Variants in DIAPH3 observed in about 807,000 individuals in gnomAD.
The protein encoded by DIAPH3 is diaphanous related formin 3.
A neutral mutation model predicts 144.3 loss-of-function variants in DIAPH3; 117 were observed. That is an observed-to-expected ratio of 0.81 (90% CI 0.70 to 0.95). The LOEUF (loss-of-function observed/expected upper bound fraction) is 0.95, where lower values mean the gene tolerates loss of function less well. Ranked by LOEUF, DIAPH3 falls within the 40% of genes least tolerant of loss-of-function variation. DIAPH3 has a pLI of 0.00. For synonymous variants in DIAPH3, 519 were observed against 488.9 expected (o/e 1.06, Z -0.81); for missense variants, 1,421 against 1,412.7 (o/e 1.01, Z -0.09).
intron 4 of DIAPH3, among the ~76,000 whole-genome samples, chr13:60,076,508 A>C (rs552273697): frequency 3.9e-5 from 6 of 152,292 alleles, no homozygotes; most frequent in African/African-American, 1.4e-4. Flanking sequence ...TTGACATAAC[A>C]GGAAAGTCAT....
chr13:59,795,503 G>A (rs369262737), intron 25 of DIAPH3, among the ~76,000 whole-genome samples: 1 of 148,810 alleles, frequency 6.7e-6, no homozygotes, highest in African/African-American at 2.5e-5. Context: ...CGCCCAGGCT[G>A]GAGTGCAGTG....
chr13:60,018,433 A>T (rs962885721), intron 5 of DIAPH3, among the ~76,000 whole-genome samples: 1 of 152,140 alleles, frequency 6.6e-6, no homozygotes, highest in African/African-American at 2.4e-5. Flanking sequence ...TGATCTACAT[A>T]ATTAATAATA....
intron 3 of DIAPH3, among the ~76,000 whole-genome samples, chr13:60,104,566 G>GCACACA (rs10633554): frequency 0.29 from 42,289 of 146,874 alleles, 6,423 homozygotes; most frequent in Admixed American, 0.38. Context: ...CAGTATCAAG[G>GCACACA]CACACACACA....
At position 59,833,286 on chromosome 13, in the gene DIAPH3, A is replaced by C; in HGVS notation, c.2863-15T>G. 6.3e-7 allele frequency: 1 copy of C among 1,595,992 alleles called. No homozygotes were observed. The highest frequency in any genetic ancestry group is 8.6e-7 in the Non-Finnish European group (1 of 1,167,884). On this transcript the variant is annotated splice_polypyrimidine_tract_variant and intron_variant, in intron 23 of 27. Coordinates refer to ENST00000400324, the MANE Select transcript of DIAPH3 (RefSeq NM_001042517.2). ...ATAACAAATCTGTATACTATAGTTA[A>C]GGTATTCTGAAATTTACAAAGTAAT...
intron 17 of DIAPH3, among the ~76,000 whole-genome samples, chr13:59,947,145 G>A (rs1473682454): frequency 6.6e-6 from 1 of 152,072 alleles, no homozygotes; most frequent in Non-Finnish European, 1.5e-5. Flanking sequence ...TCCCACTTTC[G>A]AGCATGACAC....
intron 4 of DIAPH3, among the ~76,000 whole-genome samples, chr13:60,078,378 G>A (rs1029098583): frequency 6.6e-6 from 1 of 151,304 alleles, no homozygotes; most frequent in African/African-American, 2.4e-5. Context: ...AACTAGTACA[G>A]GCAAGGCAAG....
chr13:59,888,476 T>C (rs1007005936), intron 20 of DIAPH3, among the ~76,000 whole-genome samples: 1 of 152,142 alleles, frequency 6.6e-6, no homozygotes, highest in African/African-American at 2.4e-5. Context: ...CTGCTTTGTG[T>C]TAGTCAAGCA....
At chr13:60,003,892 C>T (rs772081184) in intron 9 of DIAPH3, among the ~76,000 whole-genome samples, 2 of 152,174 alleles carry the variant, frequency 1.3e-5, no homozygotes, top group Non-Finnish European at 2.9e-5. Flanking sequence ...TGATAATATT[C>T]TTCAAGGCCT....
intron 27 of DIAPH3, among the ~76,000 whole-genome samples, chr13:59,759,664 T>A (rs951381381): frequency 7.2e-5 from 11 of 151,988 alleles, no homozygotes; most frequent in African/African-American, 2.7e-4. Flanking sequence ...GAGACACCAG[T>A]GTTTAAAAAG....
chr13:59,839,246 C>T lies in DIAPH3; in HGVS notation c.2862+78G>A, dbSNP rs1201766435. ...CACTACAGAATGATCTCTGGTTACA[C>T]AAAGACATCTAAAATATTAAATAAA... On this transcript the variant is annotated intron_variant, in intron 23 of 27. Transcript: ENST00000400324. 4 of 1,569,478 alleles carry T rather than the reference C, an allele frequency of 2.5e-6. No individual in the cohort carries two copies. In the Admixed American group the frequency reaches 6.7e-5, roughly 26 times the overall value.
In DIAPH3 at chr13:59,861,416, C is replaced by T; in HGVS notation, c.2728G>A (p.Ala910Thr). ...FVDDLEPLDK[A>T]SKVSVETLEK... ...TTAAAAAGGCACAAACCTTTACTAG[C>T]TTTGTCTAAAGGTTCCAAATCATCC... Residue 910 changes from alanine (A) to threonine (T), a missense_variant, in exon 22 of 28, where the codon GCT becomes ACT. Ala to Thr is a moderately conservative substitution (Grantham distance 58). Transcript: ENST00000400324. The T allele has an allele frequency of 6.2e-7, 1 of 1,613,740 alleles. No homozygotes were observed. The highest frequency in any genetic ancestry group is 8.5e-7 in the Non-Finnish European group (1 of 1,179,868).
intron 4 of DIAPH3, among the ~76,000 whole-genome samples, chr13:60,069,861 C>T (rs1379719421): frequency 1.3e-5 from 2 of 152,118 alleles, no homozygotes; most frequent in East Asian, 1.9e-4. Context: ...AAATACCATG[C>T]TGTTTTGGTT....
intron 1 of DIAPH3, among the ~76,000 whole-genome samples, chr13:60,150,368 G>A (rs1951727661): frequency 6.6e-6 from 1 of 152,052 alleles, no homozygotes; most frequent in South Asian, 2.1e-4. Context: ...AAAAGAATCA[G>A]GCCAATAGAT....
intron 25 of DIAPH3, among the ~76,000 whole-genome samples, chr13:59,805,685 T>A (rs916550940): frequency 1.3e-5 from 2 of 150,996 alleles, no homozygotes; most frequent in Non-Finnish European, 3.0e-5. Context: ...GTTCATCATT[T>A]AAAAAAAAAT....
rs182878494 is a variant in DIAPH3, at chr13:59,774,430, T to G, written c.3260-182A>C. Among the ~76,000 whole-genome samples the G allele has an allele frequency of 3.3e-4, 50 of 152,316 alleles. No homozygotes were observed. The East Asian group carries it at 3.5e-3, about 11-fold the overall frequency. On this transcript the variant is annotated intron_variant, in intron 26 of 27. Coordinates refer to ENST00000400324, the MANE Select transcript of DIAPH3 (RefSeq NM_001042517.2). ...TTTACTTCCCATTTAATTATGCTAC[T>G]GTAAACTCCACTGGGATAAGGTACA...
intron 2 of DIAPH3, among the ~76,000 whole-genome samples, chr13:60,132,536 C>T (rs1453314826): frequency 6.6e-6 from 1 of 151,972 alleles, no homozygotes; most frequent in African/African-American, 2.4e-5. Context: ...AAGGCATACC[C>T]GGTTCTCTCA....
chr13:59,944,391 T>C (rs1345331613), intron 17 of DIAPH3, among the ~76,000 whole-genome samples: 1 of 152,182 alleles, frequency 6.6e-6, no homozygotes, highest in Non-Finnish European at 1.5e-5. Context: ...ATTTTCCAAA[T>C]ATAAATATAT....
intron 4 of DIAPH3, among the ~76,000 whole-genome samples, chr13:60,057,623 T>C (rs1457553886): frequency 6.6e-6 from 1 of 152,002 alleles, no homozygotes; most frequent in Non-Finnish European, 1.5e-5. Flanking sequence ...TCTGCAGGCA[T>C]CACGTTATCT....
Position 59,714,316 on chromosome 13 carries a change from C to G in DIAPH3, c.3320-47470G>C, listed in dbSNP as rs562124362. 2.8e-5 allele frequency among the ~76,000 whole-genome samples: 4 copies of G among 143,922 alleles called. No homozygotes were observed. In the Admixed American group the frequency reaches 2.8e-4, roughly 10 times the overall value. The allele number at this position is 143,922 out of a possible 152,430, so 94.4% of individuals were successfully genotyped here. The stretch of plus-strand genomic sequence containing the variant: ...CGGAGCTTGCAGTGAGCCGAGATCC[C>G]GCCACTGCACTCCAGCCTGGGCGAC... On this transcript the variant is annotated intron_variant, in intron 27 of 27. Coordinates refer to ENST00000400324, the MANE Select transcript of DIAPH3 (RefSeq NM_001042517.2).
Sources: gnomAD v4.1 joint callset for allele counts (sites outside exome capture counted in the v4.1 genomes callset) on GRCh38, gnomAD v4.1.1 for gene constraint, MANE v1.5 for transcripts, NCBI Gene and HGNC (gene_info 2026-07-23, HGNC 2026-07-21) for gene names.